Variants in LPP observed in about 807,000 individuals in gnomAD.
The protein encoded by LPP is lipoma-preferred partner.
LPP carries 38 observed loss-of-function variants against 60.4 expected under a neutral mutation model. The observed-to-expected ratio is 0.63, with a 90% CI of 0.49 to 0.83. The LOEUF is 0.83. LPP is among the 40% of genes least tolerant of loss of function. The pLI, the probability that LPP is intolerant of heterozygous loss-of-function variation, is 0.00. For synonymous variants in LPP, 328 were observed against 290.8 expected (o/e 1.13, Z -1.30); for missense variants, 902 against 783.6 (o/e 1.15, Z -1.80).
intron 2 of LPP, among the ~76,000 whole-genome samples, chr3:188,327,736 G>T (rs1347832208): frequency 6.6e-6 from 1 of 152,136 alleles, no homozygotes; most frequent in Non-Finnish European, 1.5e-5. Flanking sequence ...GTAGAGATGA[G>T]CTACTCTTTA....
chr3:188,537,574 C>T (rs1300878757), intron 6 of LPP, among the ~76,000 whole-genome samples: 1 of 152,120 alleles, frequency 6.6e-6, no homozygotes, highest in Admixed American at 6.5e-5. Context: ...AATACAAAGT[C>T]TCTGTCGATT....
At chr3:188,240,559 CT>C in intron 2 of LPP, among the ~76,000 whole-genome samples, 1 of 152,170 alleles carries the variant, frequency 6.6e-6, no homozygotes, top group African/African-American at 2.4e-5. Flanking sequence ...TAGTTGAGAG[CT>C]TTATTCAAAC....
intron 2 of LPP, among the ~76,000 whole-genome samples, chr3:188,239,218 C>T (rs181652065): frequency 6.6e-6 from 1 of 152,156 alleles, no homozygotes; most frequent in South Asian, 2.1e-4. Context: ...GATGCCTGGG[C>T]CCTGGGTGCA....
At chr3:188,800,466 C>T (rs1009726140) in intron 9 of LPP, among the ~76,000 whole-genome samples, 2 of 151,786 alleles carry the variant, frequency 1.3e-5, no homozygotes, top group South Asian at 2.1e-4. Context: ...AGGATGGTCT[C>T]CATCTCCTGA....
At chr3:188,458,629 C>T (rs1798291824) in intron 4 of LPP, among the ~76,000 whole-genome samples, 2 of 152,178 alleles carry the variant, frequency 1.3e-5, no homozygotes, top group Admixed American at 1.3e-4. Flanking sequence ...TTCCCTCACC[C>T]TGGATTATTT....
rs774281484 is a variant in LPP, at chr3:188,609,336, A to T, written c.605A>T (p.Gln202Leu). Residue 202 changes from glutamine to leucine, a missense_variant, in exon 7 of 12, where the codon CAG becomes CTG. Physicochemically the swap from Gln to Leu is moderately radical, Grantham distance 113. Transcript: ENST00000617246. This position sits in a 1 kb window ranked among gnomAD's most constrained non-coding sequence, Gnocchi z 6.9. ...PVAPIGTLKP[Q>L]PQPVPASYTT... ...GCTCCAATCGGAACACTCAAACCCC[A>T]GCCTCAGCCAGTCCCAGCCTCCTAC... The T allele has an allele frequency of 1.2e-6, 2 of 1,614,018 alleles. No individual in the cohort carries two copies. Among genetic ancestry groups the T allele is most frequent in the South Asian group, 2.2e-5 (2 of 91,074 alleles).
At chr3:188,815,611 G>A (rs923640785) in intron 9 of LPP, among the ~76,000 whole-genome samples, 1 of 151,856 alleles carries the variant, frequency 6.6e-6, no homozygotes, top group Non-Finnish European at 1.5e-5. Flanking sequence ...CAATGGATTT[G>A]TTGGGGAAAA....
chr3:188,659,278 A>G (rs1854045827), intron 7 of LPP, among the ~76,000 whole-genome samples: 1 of 152,224 alleles, frequency 6.6e-6, no homozygotes, highest in Non-Finnish European at 1.5e-5. Context: ...GAACATGATT[A>G]TCAAAGTCAG....
intron 1 of LPP, among the ~76,000 whole-genome samples, chr3:188,205,277 C>CTT (rs34713244): frequency 0.012 from 1,240 of 103,230 alleles, 7 homozygotes; most frequent in Non-Finnish European, 0.014. Context: ...AGATTATAAT[C>CTT]TTTTTTTTTT....
intron 2 of LPP, among the ~76,000 whole-genome samples, chr3:188,229,168 C>T (rs1718925840): frequency 6.6e-6 from 1 of 152,104 alleles, no homozygotes; most frequent in African/African-American, 2.4e-5. Flanking sequence ...TCATTTTTGC[C>T]TGAGACAGGA....
intron 2 of LPP, among the ~76,000 whole-genome samples, chr3:188,325,179 C>A (rs1758072580): frequency 6.6e-6 from 1 of 152,096 alleles, no homozygotes; most frequent in Non-Finnish European, 1.5e-5. Flanking sequence ...TGGGTTTTCA[C>A]CATGTTGGCC....
chr3:188,636,134 A>G (rs901819906), intron 7 of LPP, among the ~76,000 whole-genome samples: 21 of 152,208 alleles, frequency 1.4e-4, no homozygotes, highest in Non-Finnish European at 1.9e-4. Flanking sequence ...CTGCATTTCC[A>G]TCTGAGGTAC....
chr3:188,456,174 G>T (rs1470447131), intron 4 of LPP, among the ~76,000 whole-genome samples: 1 of 152,134 alleles, frequency 6.6e-6, no homozygotes, highest in Non-Finnish European at 1.5e-5. Flanking sequence ...TGAGCCAATG[G>T]GCCTGACCTC....
Position 188,883,749 on chromosome 3 carries a change from AAAAAAG to A in LPP, c.*9271_*9276del. ...CTCCGTCTCAAAAAAAAAAAAAAAA[AAAAAAG>A]GTTGGGAAATATTGGTGTATAATCC... On this transcript the variant is annotated 3_prime_UTR_variant, in exon 12 of 12. Transcript: ENST00000617246. 1 of 194,334 alleles carries A rather than the reference AAAAAAG, an allele frequency of 5.1e-6. No homozygotes were observed. The highest frequency in any genetic ancestry group is 1.1e-5 in the Non-Finnish European group (1 of 93,008). 12.0% of individuals were successfully genotyped at this position (194,334 alleles called of 1,614,324 possible). A position where few individuals can be genotyped will look rare whatever the true frequency, so the allele number is the denominator to read the frequency against.
intron 9 of LPP, among the ~76,000 whole-genome samples, chr3:188,803,193 C>T (rs1337747399): frequency 6.6e-6 from 1 of 151,942 alleles, no homozygotes; most frequent in African/African-American, 2.4e-5. Context: ...TACAGGCTTG[C>T]ACCACCACAG....
intron 8 of LPP, chr3:188,711,076 G>A (rs1866538563): frequency 6.6e-6 from 1 of 152,040 alleles, no homozygotes; most frequent in Admixed American, 6.6e-5. Context: ...ATGCTCTTGG[G>A]GCTTATAGTT....
intron 3 of LPP, among the ~76,000 whole-genome samples, chr3:188,387,526 A>G (rs930592060): frequency 1.3e-5 from 2 of 151,162 alleles, no homozygotes; most frequent in Admixed American, 6.6e-5. Flanking sequence ...ATAATCTTAT[A>G]TATGATGTCT....
rs1255145494 is a variant in LPP, at chr3:188,880,853, C to T, written c.*6374C>T. 3 of 176,856 alleles carry T rather than the reference C, an allele frequency of 1.7e-5. No homozygotes were observed. The highest frequency in any genetic ancestry group is 4.8e-5 in the African/African-American group (2 of 42,088). 11.0% of individuals were successfully genotyped at this position (176,856 alleles called of 1,614,324 possible). On this transcript the variant is annotated 3_prime_UTR_variant, in exon 12 of 12. Transcript: ENST00000617246. ...AGAGAGTTACAGTTGCCCCCAAACA[C>T]GAATGCTATTCCCAAATAAAATAGA...
At chr3:188,705,340 A>G (rs992022790) in intron 7 of LPP, among the ~76,000 whole-genome samples, 1 of 152,134 alleles carries the variant, frequency 6.6e-6, no homozygotes, top group Non-Finnish European at 1.5e-5. Context: ...CCATAGATTT[A>G]CAATGTACGT....
Sources: allele counts gnomAD v4.1 joint callset (sites outside exome capture counted in the v4.1 genomes callset), GRCh38; gene constraint gnomAD v4.1.1; non-coding constraint Gnocchi (gnomAD v3.1); transcripts MANE v1.5; gene names NCBI Gene and HGNC (gene_info 2026-07-23, HGNC 2026-07-21).